The following AFTPH variants were observed in gnomAD, a reference collection of about 807,000 sequenced individuals.
The protein encoded by AFTPH is aftiphilin protein.
A neutral mutation model predicts 72.5 loss-of-function variants in AFTPH; 7 were observed. That is an observed-to-expected ratio of 0.10 (90% CI 0.05 to 0.18). The LOEUF is 0.18. Ranked by LOEUF, AFTPH falls within the 10% of genes least tolerant of loss-of-function variation. AFTPH has a pLI of 1.00. For synonymous variants in AFTPH, 337 were observed against 370.1 expected, an observed-to-expected ratio of 0.91 and a Z score of 1.03; for missense variants, 979 against 1,060.5, an observed-to-expected ratio of 0.92 and a Z score of 1.07.
chr2:64,549,308 C>CTTTTTTTTTTTT lies in AFTPH; in HGVS notation c.-32-2116_-32-2105dup, dbSNP rs34951706. Among the ~76,000 whole-genome samples, 15 of 56,028 alleles carry CTTTTTTTTTTTT rather than the reference C, an allele frequency of 2.7e-4. 1 individual carries two copies. The highest frequency in any genetic ancestry group is 7.3e-4 in the African/African-American group (12 of 16,396). The allele number at this position is 56,028 out of a possible 152,430, so 36.8% of individuals were successfully genotyped here. A position where few individuals can be genotyped will look rare whatever the true frequency, so the allele number is the denominator to read the frequency against. ...CTAGGACTTTGGCTGTTAGTCCTCC[C>CTTTTTTTTTTTT]TTTTTTTTTTTTTTTTTTTTTTTTT... On this transcript the variant is annotated intron_variant, in intron 1 of 8. Transcript: ENST00000238856.
At chr2:64,587,378 C>A (rs1673578941) in intron 8 of AFTPH, among the ~76,000 whole-genome samples, 1 of 152,140 alleles carries the variant, frequency 6.6e-6, no homozygotes, top group African/African-American at 2.4e-5. Context: ...TAAAAAAATA[C>A]AAATGCCCGC....
chr2:64,545,654 G>A (rs566047527), intron 1 of AFTPH, among the ~76,000 whole-genome samples: 20 of 132,606 alleles, frequency 1.5e-4, no homozygotes, highest in African/African-American at 4.5e-4. Flanking sequence ...AATGGACCTC[G>A]AGGACATTAC....
chr2:64,548,407 G>GAAAAAAAAA (rs57995634), intron 1 of AFTPH, among the ~76,000 whole-genome samples: 6 of 59,960 alleles, frequency 1.0e-4, no homozygotes, highest in Admixed American at 2.2e-4. Flanking sequence ...CTCAAAAAAA[G>GAAAAAAAAA]AAAAAAAAAA....
chr2:64,591,664 G>C (rs1673832834), intron 8 of AFTPH, among the ~76,000 whole-genome samples: 2 of 152,130 alleles, frequency 1.3e-5, no homozygotes, highest in Admixed American at 6.5e-5. Flanking sequence ...TGCATGCCTA[G>C]CTTTAATGAA....
In AFTPH at chr2:64,581,293, C is replaced by T. The variant is rs1015603721; in HGVS notation, c.2455+1747C>T. ...TCCCAGGTCAGCAGAGTGTTAAAAC[C>T]ACAATTCCAGTTTATTTACTAAAAG... On this transcript the variant is annotated intron_variant, in intron 7 of 8. Coordinates refer to ENST00000238856, the Ensembl canonical transcript of AFTPH. 1.9e-6 allele frequency: 3 copies of T among 1,561,116 alleles called. No individual in the cohort carries two copies. The highest frequency in any genetic ancestry group is 2.6e-6 in the Non-Finnish European group (3 of 1,152,196).
chr2:64,578,705 G>A (rs949459551), intron 6 of AFTPH, among the ~76,000 whole-genome samples: 1 of 148,576 alleles, frequency 6.7e-6, no homozygotes, highest in African/African-American at 2.5e-5. Flanking sequence ...TTACAGGCGT[G>A]TGCCACCATG....
At chr2:64,591,917 A>T in exon 9 of AFTPH, 2 of 1,614,052 alleles carry the variant, frequency 1.2e-6, no homozygotes, top group Non-Finnish European at 8.5e-7. Flanking sequence ...CACCTAAGTG[A>T]AGAAGCTATC....
intron 1 of AFTPH, among the ~76,000 whole-genome samples, chr2:64,545,580 A>T: frequency 1.0e-5 from 1 of 97,876 alleles, no homozygotes; most frequent in South Asian, 3.6e-4. Flanking sequence ...TAAAAAAAAA[A>T]AAAAAAAAAA....
intron 5 of AFTPH, among the ~76,000 whole-genome samples, chr2:64,572,288 C>T (rs1048140658): frequency 5.9e-5 from 9 of 151,772 alleles, no homozygotes; most frequent in African/African-American, 2.2e-4. Context: ...TGTTCTTCCT[C>T]TCTAAAAAGG....
At chr2:64,580,135 C>T (rs1174182202) in intron 7 of AFTPH, 1 of 152,460 alleles carries the variant, frequency 6.6e-6, no homozygotes, top group African/African-American at 2.4e-5. Flanking sequence ...AAAGAAAATC[C>T]TCAAAAAGGA....
intron 2 of AFTPH, among the ~76,000 whole-genome samples, chr2:64,567,064 A>G (rs1413401918): frequency 6.6e-6 from 1 of 152,172 alleles, no homozygotes; most frequent in South Asian, 2.1e-4. Context: ...TTTATGTTCA[A>G]AAAAAGATTG....
At chr2:64,544,063 C>T (rs995230423) in intron 1 of AFTPH, among the ~76,000 whole-genome samples, 38 of 152,292 alleles carry the variant, frequency 2.5e-4, no homozygotes, top group Admixed American at 2.1e-3. Context: ...ATTGGACCTT[C>T]TATGCCAGAA....
chr2:64,563,305 G>T (rs2287530), intron 2 of AFTPH, among the ~76,000 whole-genome samples: 76,589 of 152,006 alleles, frequency 0.5, 21,437 homozygotes, highest in African/African-American at 0.77. Flanking sequence ...TAAAACAGAT[G>T]AAAATAATAT....
intron 1 of AFTPH, among the ~76,000 whole-genome samples, chr2:64,526,779 A>G (rs981876100): frequency 2.6e-5 from 4 of 152,240 alleles, no homozygotes; most frequent in Admixed American, 2.0e-4. Context: ...TATGTTGCTC[A>G]TATATATTGC....
Position 64,552,418 on chromosome 2 carries a change from A to G in AFTPH, c.944A>G (p.Gln315Arg), listed in dbSNP as rs752949972. 1.9e-6 allele frequency: 3 copies of G among 1,614,138 alleles called. No individual in the cohort carries two copies. The highest frequency in any genetic ancestry group is 2.5e-6 in the Non-Finnish European group (3 of 1,179,992). Residue 315 changes from glutamine to arginine, a missense_variant, in exon 2 of 9, where the codon CAA becomes CGA. Physicochemically the swap from Gln to Arg is conservative, Grantham distance 43. Around this residue, in one of 3 missense-constraint regions of AFTPH, gnomAD observed 498 missense variants for 467.6 expected, o/e 1.06. Coordinates refer to ENST00000238856, the Ensembl canonical transcript of AFTPH. ...AACAGAGGTTTCAGTGTTGAAAAAC[A>G]AGGCCTTCCAACACTGCAACAGGAT...
At chr2:64,553,084 G>A in exon 2 of AFTPH, 1 of 1,614,168 alleles carries the variant, frequency 6.2e-7, no homozygotes, top group Admixed American at 1.7e-5. Context: ...GGTGAGATTG[G>A]ACATTTTGAT....
chr2:64,555,288 C>T (rs1238082567), intron 2 of AFTPH, among the ~76,000 whole-genome samples: 12 of 152,048 alleles, frequency 7.9e-5, no homozygotes, highest in Admixed American at 6.5e-4. Flanking sequence ...AGACCAGGTG[C>T]AGTGGCTCAT....
In AFTPH at chr2:64,547,008, C is replaced by G. The variant is rs536794149; in HGVS notation, c.-32-4435C>G. Among the ~76,000 whole-genome samples the G allele has an allele frequency of 3.3e-5, 5 of 152,248 alleles. No individual in the cohort carries two copies. In the East Asian group the frequency reaches 7.7e-4, roughly 23 times the overall value. On this transcript the variant is annotated intron_variant, in intron 1 of 8. Coordinates refer to ENST00000238856, the Ensembl canonical transcript of AFTPH. ...AGCTTGCAGTGAGCCGAGATCGTGC[C>G]ACTGCACTCCAGCCTGGGCGACAGA...
intron 1 of AFTPH, among the ~76,000 whole-genome samples, chr2:64,530,164 C>CA (rs893941680): frequency 3.6e-4 from 54 of 151,404 alleles, no homozygotes; most frequent in African/African-American, 1.2e-3. Flanking sequence ...TCAACAACAA[C>CA]AAAAAAAAGC....
Sources: gnomAD v4.1 joint callset for allele counts (sites outside exome capture counted in the v4.1 genomes callset) on GRCh38, gnomAD v4.1.1 for gene constraint, gnomAD v4.1.1 regional missense constraint, MANE v1.5 for transcripts, NCBI Gene and HGNC (gene_info 2026-07-23, HGNC 2026-07-21) for gene names.